QNG1: variants seen among roughly 807,000 people sequenced by gnomAD.
QNG1 encodes Q-nucleotide N-glycosylase 1.
chr9:83,955,723 T>C, the QNG1 span: 24 of 1,332,910 alleles, frequency 1.8e-5, 1 homozygote, highest in Non-Finnish European at 2.4e-5. Context: ...ATGGAATTAA[T>C]ATGAAACCAA....
At chr9:83,951,358 C>T in the QNG1 span, among the ~76,000 whole-genome samples, 3 of 152,194 alleles carry the variant, frequency 2.0e-5, no homozygotes, top group African/African-American at 4.8e-5. Context: ...GTCAGGAGTT[C>T]GAGACCAGCC....
chr9:83,942,192 C>G, the QNG1 span, among the ~76,000 whole-genome samples: 1 of 152,140 alleles, frequency 6.6e-6, no homozygotes, highest in African/African-American at 2.4e-5. Context: ...CCCTAGGAAA[C>G]TAATGTAATA....
the QNG1 span, among the ~76,000 whole-genome samples, chr9:83,954,221 A>C: frequency 6.6e-6 from 1 of 152,112 alleles, no homozygotes; most frequent in African/African-American, 2.4e-5. Flanking sequence ...GGGAGAGGTT[A>C]GTATACATTC....
At chr9:83,952,808 A>AC in the QNG1 span, among the ~76,000 whole-genome samples, 1 of 150,898 alleles carries the variant, frequency 6.6e-6, no homozygotes, top group African/African-American at 2.4e-5. Flanking sequence ...AAAAAAAAAA[A>AC]AAAACAAAAA....
chr9:83,951,502 A>G, the QNG1 span, among the ~76,000 whole-genome samples: 4 of 152,358 alleles, frequency 2.6e-5, no homozygotes. Flanking sequence ...CAGAGGTTGC[A>G]GTGAGCCGAG....
chr9:83,943,488 T>TC, the QNG1 span, among the ~76,000 whole-genome samples: 1 of 152,124 alleles, frequency 6.6e-6, no homozygotes, highest in Non-Finnish European at 1.5e-5. Flanking sequence ...CTAAATGTTG[T>TC]CCCTTTTAAA....
the QNG1 span, among the ~76,000 whole-genome samples, chr9:83,951,799 T>C: frequency 2.6e-5 from 4 of 152,142 alleles, no homozygotes; most frequent in Admixed American, 6.6e-5. Context: ...GGTGGTGTTT[T>C]GGAAATATAT....
At chr9:83,946,545 T>C in the QNG1 span, among the ~76,000 whole-genome samples, 70 of 152,326 alleles carry the variant, frequency 4.6e-4, 2 homozygotes, top group South Asian at 0.013. Flanking sequence ...ATTATATTTA[T>C]ACATAGAAAA....
chr9:83,956,108 C>G, the QNG1 span: 2 of 1,571,962 alleles, frequency 1.3e-6, no homozygotes, highest in South Asian at 2.2e-5. Context: ...TACACACACC[C>G]CAAGTAAATG....
At chr9:83,942,307 A>T in the QNG1 span, among the ~76,000 whole-genome samples, 1 of 152,230 alleles carries the variant, frequency 6.6e-6, no homozygotes, top group Non-Finnish European at 1.5e-5. Flanking sequence ...AATATGGCCC[A>T]GGTATTTGGT....
the QNG1 span, among the ~76,000 whole-genome samples, chr9:83,955,962 C>T: frequency 6.6e-6 from 1 of 152,156 alleles, no homozygotes; most frequent in Non-Finnish European, 1.5e-5. Flanking sequence ...TTTTATGCTG[C>T]AATGATAAAT....
the QNG1 span, among the ~76,000 whole-genome samples, chr9:83,955,055 C>G: frequency 6.6e-6 from 1 of 151,512 alleles, no homozygotes; most frequent in Non-Finnish European, 1.5e-5. Context: ...TAAAATTAGC[C>G]GGGCTTGGTG....
chr9:83,941,326 T>C, the QNG1 span, among the ~76,000 whole-genome samples: 1 of 152,132 alleles, frequency 6.6e-6, no homozygotes, highest in Non-Finnish European at 1.5e-5. Flanking sequence ...TGTTTGGAAA[T>C]AGGGACTTTG....
At chr9:83,947,219 G>C in the QNG1 span, among the ~76,000 whole-genome samples, 2 of 151,892 alleles carry the variant, frequency 1.3e-5, no homozygotes, top group East Asian at 3.9e-4. Context: ...AATATTACTA[G>C]CTCCCAAAAT....
the QNG1 span, among the ~76,000 whole-genome samples, chr9:83,945,142 G>A: frequency 6.6e-6 from 1 of 152,052 alleles, no homozygotes; most frequent in Non-Finnish European, 1.5e-5. Context: ...CATGGCTCCC[G>A]CCTGTAATCC....
chr9:83,956,627 G>A, the QNG1 span: 2 of 742,842 alleles, frequency 2.7e-6, no homozygotes, highest in East Asian at 2.8e-5. Context: ...CTGCCAGGGA[G>A]TGGCACCGAG....
chr9:83,945,843 CT>C, the QNG1 span, among the ~76,000 whole-genome samples: 4 of 152,046 alleles, frequency 2.6e-5, no homozygotes, highest in African/African-American at 4.8e-5. Flanking sequence ...ACCTTGTGAT[CT>C]GCCCGCTTCG....
the QNG1 span, chr9:83,955,464 G>A: frequency 8.1e-6 from 13 of 1,613,980 alleles, no homozygotes; most frequent in South Asian, 5.5e-5. Context: ...TCACTTTCTC[G>A]GACGCAGTTG....
the QNG1 span, chr9:83,956,788 C>T: frequency 1.1e-5 from 4 of 351,880 alleles, no homozygotes; most frequent in South Asian, 3.7e-4. Context: ...CTCTCAGGCT[C>T]CGCTTCCGGT....
Sources: gnomAD v4.1 joint callset for allele counts (sites outside exome capture counted in the v4.1 genomes callset) on GRCh38, gnomAD v4.1.1 for gene constraint, MANE v1.5 for transcripts, NCBI Gene and HGNC (gene_info 2026-07-23, HGNC 2026-07-21) for gene names.